MAN1A1: variants seen among roughly 807,000 people sequenced by gnomAD.
MAN1A1 encodes mannosidase alpha class 1A member 1, also known as mannosyl-oligosaccharide 1,2-alpha-mannosidase IA.
Under a neutral mutation model 70.8 loss-of-function variants are expected in MAN1A1, and 29 were observed. That is an observed-to-expected ratio of 0.41 (90% CI 0.31 to 0.56). The LOEUF (loss-of-function observed/expected upper bound fraction) is 0.56, where lower values mean the gene tolerates loss of function less well. Ranked by LOEUF, MAN1A1 falls within the 20% of genes least tolerant of loss-of-function variation. MAN1A1 has a pLI of 0.29. For synonymous variants in MAN1A1, 349 were observed against 330.1 expected (o/e 1.06, Z -0.62); for missense variants, 747 against 841.3 (o/e 0.89, Z 1.39).
At chr6:119,189,394 A>G (rs577792651) in intron 10 of MAN1A1, among the ~76,000 whole-genome samples, 6 of 152,320 alleles carry the variant, frequency 3.9e-5, no homozygotes, top group Non-Finnish European at 8.8e-5. Flanking sequence ...ACCCTTGCCC[A>G]ATGTTATTGG....
intron 6 of MAN1A1, among the ~76,000 whole-genome samples, chr6:119,236,699 C>T: frequency 1.0e-5 from 1 of 100,446 alleles, no homozygotes. Flanking sequence ...GAAAGTGAGA[C>T]TTTGTCTCAA....
At chr6:119,191,243 G>A (rs541423351) in intron 9 of MAN1A1, among the ~76,000 whole-genome samples, 1 of 152,206 alleles carries the variant, frequency 6.6e-6, no homozygotes, top group East Asian at 1.9e-4. Flanking sequence ...AACACAAATT[G>A]CAATAAAGTC....
At chr6:119,203,277 G>A (rs562448775) in intron 7 of MAN1A1, among the ~76,000 whole-genome samples, 223 of 152,286 alleles carry the variant, frequency 1.5e-3, no homozygotes, top group Non-Finnish European at 2.9e-3. Context: ...CAAGGCGGAG[G>A]TGTTTGAGCA....
At chr6:119,307,699 T>A (rs570434418) in intron 2 of MAN1A1, among the ~76,000 whole-genome samples, 2 of 152,290 alleles carry the variant, frequency 1.3e-5, no homozygotes, top group Non-Finnish European at 2.9e-5. Flanking sequence ...ATTAGTTGTA[T>A]AAACTTTTTT....
rs1295388 is a variant in MAN1A1, at chr6:119,349,292, G to C, written c.-222-5C>G. 433,403 of 1,205,328 alleles carry C rather than the reference G, an allele frequency of 0.36. 80,583 individuals carry two copies. The highest frequency in any genetic ancestry group is 0.38 in the Non-Finnish European group (364,443 of 971,476). 74.7% of individuals were successfully genotyped at this position (1,205,328 alleles called of 1,614,324 possible). On this transcript the variant is annotated splice_region_variant and splice_polypyrimidine_tract_variant and intron_variant, in intron 1 of 12. Transcript: ENST00000368468. ...ACAGACCGCTGGCTGCAGCCCCTGC[G>C]GGGAGAGAAACAGTAAAACGTAGTA...
intron 5 of MAN1A1, among the ~76,000 whole-genome samples, chr6:119,288,352 T>C (rs993677782): frequency 1.3e-5 from 2 of 151,958 alleles, no homozygotes; most frequent in Non-Finnish European, 2.9e-5. Flanking sequence ...CTAGACACCT[T>C]AGTAAATTGT....
chr6:119,207,195 C>T (rs1773886279), intron 6 of MAN1A1, among the ~76,000 whole-genome samples: 1 of 152,094 alleles, frequency 6.6e-6, no homozygotes, highest in South Asian at 2.1e-4. Flanking sequence ...CTTCCTTCCT[C>T]TTTGTACACA....
At chr6:119,256,417 T>A (rs1038126899) in intron 5 of MAN1A1, among the ~76,000 whole-genome samples, 1 of 151,294 alleles carries the variant, frequency 6.6e-6, no homozygotes, top group African/African-American at 2.4e-5. Context: ...TCTCATTATT[T>A]TTTTTTTTTT....
intron 2 of MAN1A1, among the ~76,000 whole-genome samples, chr6:119,333,899 A>G (rs994145455): frequency 2.0e-5 from 3 of 152,120 alleles, no homozygotes; most frequent in Admixed American, 6.6e-5. Context: ...GTGGGTGGAG[A>G]ACTACAACCA....
chr6:119,332,021 G>A (rs7754482), intron 2 of MAN1A1: 151,023 of 483,066 alleles, frequency 0.31, 25,455 homozygotes, highest in Non-Finnish European at 0.37. Context: ...ATAAAATGAG[G>A]AGAATAATGT....
intron 5 of MAN1A1, among the ~76,000 whole-genome samples, chr6:119,265,557 G>T (rs1775730784): frequency 6.6e-6 from 1 of 152,028 alleles, no homozygotes; most frequent in Admixed American, 6.6e-5. Flanking sequence ...ATTTCCTAAG[G>T]TCTTTCCAAA....
At chr6:119,185,956 CT>C (rs754602513) in intron 11 of MAN1A1, among the ~76,000 whole-genome samples, 6 of 151,302 alleles carry the variant, frequency 4.0e-5, no homozygotes, top group Non-Finnish European at 8.8e-5. Context: ...CTATTCAGCC[CT>C]AAAAGACCAC....
At chr6:119,333,956 A>C (rs570932942) in intron 2 of MAN1A1, among the ~76,000 whole-genome samples, 27 of 152,328 alleles carry the variant, frequency 1.8e-4, no homozygotes, top group African/African-American at 4.8e-4. Context: ...ATATTCTAAT[A>C]GGACCGTAGT....
intron 6 of MAN1A1, among the ~76,000 whole-genome samples, chr6:119,225,152 A>T (rs1774471629): frequency 6.6e-6 from 1 of 152,206 alleles, no homozygotes; most frequent in South Asian, 2.1e-4. Flanking sequence ...TCAATAAAAA[A>T]AAAATTGTAT....
chr6:119,275,824 C>G (rs145753822), intron 5 of MAN1A1, among the ~76,000 whole-genome samples: 1 of 152,146 alleles, frequency 6.6e-6, no homozygotes, highest in Non-Finnish European at 1.5e-5. Context: ...TGGTACCAAC[C>G]CTGGCAACAC....
At chr6:119,259,777 C>CA (rs1232135240) in intron 5 of MAN1A1, among the ~76,000 whole-genome samples, 1 of 152,104 alleles carries the variant, frequency 6.6e-6, no homozygotes, top group African/African-American at 2.4e-5. Context: ...TCCTCATCTA[C>CA]AAAATGGAAA....
chr6:119,196,818 G>A (rs4590306), intron 8 of MAN1A1, among the ~76,000 whole-genome samples: 42,461 of 152,044 alleles, frequency 0.28, 6,594 homozygotes, highest in East Asian at 0.55. Context: ...AGCTAGACTA[G>A]ATATAGATAG....
intron 6 of MAN1A1, among the ~76,000 whole-genome samples, chr6:119,241,393 C>G (rs532465646): frequency 7.9e-5 from 12 of 152,298 alleles, no homozygotes; most frequent in African/African-American, 2.6e-4. Context: ...GCTCTGATGG[C>G]TCAGTCATTT....
chr6:119,281,049 T>C (rs940922552), intron 5 of MAN1A1, among the ~76,000 whole-genome samples: 1 of 152,206 alleles, frequency 6.6e-6, no homozygotes, highest in African/African-American at 2.4e-5. Flanking sequence ...CTGTCAACTT[T>C]ACTGTTTCAA....
Sources: gnomAD v4.1 joint callset for allele counts (sites outside exome capture counted in the v4.1 genomes callset) on GRCh38, gnomAD v4.1.1 for gene constraint, MANE v1.5 for transcripts, NCBI Gene and HGNC (gene_info 2026-07-23, HGNC 2026-07-21) for gene names.